The following CTNNA3 variants were observed in gnomAD, a reference collection of about 807,000 sequenced individuals.
The protein encoded by CTNNA3 is catenin alpha 3.
In CTNNA3, 76 loss-of-function variants were observed where a neutral mutation model predicts 95.7. The ratio of observed to expected loss-of-function variants is 0.79; its 90% CI spans 0.66 to 0.96. The LOEUF is 0.96. CTNNA3 is among the 40% of genes least tolerant of loss of function. The pLI, the probability that CTNNA3 is intolerant of heterozygous loss-of-function variation, is 0.00. For missense variants in CTNNA3, 1,191 were observed against 1,089.8 expected, an observed-to-expected ratio of 1.09 and a Z score of -1.31; for synonymous variants, 431 against 374.4, an observed-to-expected ratio of 1.15 and a Z score of -1.74.
At chr10:65,980,968 A>T (rs1014936740) in intron 16 of CTNNA3, among the ~76,000 whole-genome samples, 1 of 152,080 alleles carries the variant, frequency 6.6e-6, no homozygotes, top group African/African-American at 2.4e-5. Flanking sequence ...TTTGTATTCA[A>T]CAGGACTCTG....
intron 7 of CTNNA3, among the ~76,000 whole-genome samples, chr10:66,981,263 C>G (rs1383462842): frequency 6.6e-6 from 1 of 152,162 alleles, no homozygotes; most frequent in Non-Finnish European, 1.5e-5. Flanking sequence ...GTTAAGCATC[C>G]TAAAAATGAA....
At chr10:66,559,617 T>A (rs1842491597) in intron 10 of CTNNA3, among the ~76,000 whole-genome samples, 1 of 151,896 alleles carries the variant, frequency 6.6e-6, no homozygotes, top group Non-Finnish European at 1.5e-5. Context: ...TTTCTTTCAG[T>A]TTCTTATGCC....
At chr10:67,480,020 CA>C (rs1247339475) in intron 5 of CTNNA3, among the ~76,000 whole-genome samples, 3 of 151,726 alleles carry the variant, frequency 2.0e-5, no homozygotes, top group African/African-American at 4.8e-5. Flanking sequence ...AACAACCTAC[CA>C]AGATTGAATC....
intron 5 of CTNNA3, among the ~76,000 whole-genome samples, chr10:67,243,932 C>T (rs1222153938): frequency 1.3e-5 from 2 of 152,186 alleles, no homozygotes; most frequent in Non-Finnish European, 2.9e-5. Context: ...ATGATGTCTT[C>T]ATTCCTCCAT....
At chr10:67,134,986 T>C (rs1860222994) in intron 7 of CTNNA3, among the ~76,000 whole-genome samples, 1 of 152,020 alleles carries the variant, frequency 6.6e-6, no homozygotes, top group Non-Finnish European at 1.5e-5. Context: ...TTCCATATGG[T>C]GGCAGGATAG....
At chr10:66,955,883 G>A (rs1331079746) in intron 7 of CTNNA3, among the ~76,000 whole-genome samples, 4 of 152,068 alleles carry the variant, frequency 2.6e-5, no homozygotes, top group African/African-American at 4.8e-5. Flanking sequence ...GATCTGACTG[G>A]GGGGTATCTT....
At chr10:66,439,371 A>G (rs1589252106) in intron 11 of CTNNA3, among the ~76,000 whole-genome samples, 1 of 152,190 alleles carries the variant, frequency 6.6e-6, no homozygotes, top group Admixed American at 6.5e-5. Flanking sequence ...ACACATTAAA[A>G]AAGCTGATAG....
At chr10:67,516,888 C>T (rs920177198) in intron 5 of CTNNA3, among the ~76,000 whole-genome samples, 8 of 152,192 alleles carry the variant, frequency 5.3e-5, no homozygotes, top group African/African-American at 1.9e-4. Context: ...CTTTGCTTAG[C>T]AAAATGTCTT....
chr10:67,125,840 TC>T (rs1361460424), intron 7 of CTNNA3, among the ~76,000 whole-genome samples: 3 of 152,150 alleles, frequency 2.0e-5, no homozygotes, highest in African/African-American at 7.2e-5. Flanking sequence ...GTATGTCTTG[TC>T]ATATATCACA....
intron 12 of CTNNA3, among the ~76,000 whole-genome samples, chr10:66,373,386 C>G (rs2092768497): frequency 6.6e-6 from 1 of 152,060 alleles, no homozygotes; most frequent in African/African-American, 2.4e-5. Flanking sequence ...GAAGTTCTAA[C>G]AGCTACTTTC....
rs556632271 is a variant in CTNNA3 at position 66,544,542 on chromosome 10, TTC to T, written c.1375-23771_1375-23770del. Among the ~76,000 whole-genome samples, 188 of 152,168 alleles carry T rather than the reference TTC, an allele frequency of 1.2e-3. 1 individual carries two copies. The highest frequency in any genetic ancestry group is 4.3e-3 in the African/African-American group (177 of 41,538). On this transcript the variant is annotated intron_variant, in intron 10 of 17. Coordinates refer to ENST00000433211, the MANE Select transcript of CTNNA3 (RefSeq NM_013266.4). Reference sequence around the variant, plus strand: ...TGCTTTAACAGAAAATATAAGAAATTTCTGTGTTTTTAGTAATATATCCTAGG... The same window carrying T: ...TGCTTTAACAGAAAATATAAGAAATTTGTGTTTTTAGTAATATATCCTAGG...
At chr10:67,705,371 A>G (rs1447287704) in intron 1 of CTNNA3, among the ~76,000 whole-genome samples, 2 of 151,630 alleles carry the variant, frequency 1.3e-5, no homozygotes, top group Non-Finnish European at 2.9e-5. Flanking sequence ...AAGACTTGGA[A>G]CCAACCCAAA....
rs1012338270 is a variant in CTNNA3, at chr10:66,118,958, T to C, written c.1885-15709A>G. Among the ~76,000 whole-genome samples, 10 of 152,296 alleles carry C rather than the reference T, an allele frequency of 6.6e-5. No homozygotes were observed. The East Asian group carries it at 1.2e-3, about 18-fold the overall frequency. ...CAGGGTCTCCCTATGTTGCTCAGGC[T>C]GACCTCGAACTCCTGGGCTCAAGCA... is the stretch of plus-strand genomic sequence containing the variant. On this transcript the variant is annotated intron_variant, in intron 13 of 17. Coordinates refer to ENST00000433211, the MANE Select transcript of CTNNA3 (RefSeq NM_013266.4).
At chr10:66,416,444 C>T (rs55821101) in intron 11 of CTNNA3, among the ~76,000 whole-genome samples, 17,799 of 151,848 alleles carry the variant, frequency 0.12, 1,502 homozygotes, top group African/African-American at 0.24. Context: ...CATCCAGATA[C>T]AGAGTCCCAG....
chr10:66,845,729 A>AAAAAAAAAAAAC (rs1297933220), intron 7 of CTNNA3, among the ~76,000 whole-genome samples: 2 of 87,732 alleles, frequency 2.3e-5, no homozygotes, highest in Non-Finnish European at 5.1e-5. Context: ...AAAAAAAAAA[A>AAAAAAAAAAAAC]CTAAAAAGGT....
intron 5 of CTNNA3, among the ~76,000 whole-genome samples, chr10:67,342,635 T>C (rs963747081): frequency 1.3e-5 from 2 of 152,208 alleles, no homozygotes; most frequent in African/African-American, 4.8e-5. Context: ...GATAGGGGTC[T>C]AGTTTCATTC....
At chr10:66,811,122 AC>A (rs1841858108) in intron 7 of CTNNA3, among the ~76,000 whole-genome samples, 1 of 152,210 alleles carries the variant, frequency 6.6e-6, no homozygotes, top group South Asian at 2.1e-4. Flanking sequence ...CTGTGCAAGC[AC>A]TAGTCCATGT....
chr10:67,237,126 GTATATATATATATATATATATATATATA>G lies in CTNNA3; in HGVS notation c.580-17284_580-17257del, dbSNP rs59511861. 5.3e-4 allele frequency among the ~76,000 whole-genome samples: 21 copies of G among 39,876 alleles called. 1 individual carries two copies. The highest frequency in any genetic ancestry group is 1.8e-3 in the African/African-American group (17 of 9,694). 26.2% of individuals were successfully genotyped at this position (39,876 alleles called of 152,430 possible). A position where few individuals can be genotyped will look rare whatever the true frequency, so the allele number is the denominator to read the frequency against. ...AGTGGATAAAGAAACTATGGTGTAT[GTATATATATATATATATATATATATATA>G]TATATATATATATATATATACACAC... On this transcript the variant is annotated intron_variant, in intron 5 of 17. Transcript: ENST00000433211.
intron 5 of CTNNA3, among the ~76,000 whole-genome samples, chr10:67,332,035 G>C (rs1036060210): frequency 2.6e-5 from 4 of 152,142 alleles, no homozygotes; most frequent in African/African-American, 9.6e-5. Flanking sequence ...CTAAGATAAA[G>C]AGTTTAGAAA....
Sources: allele counts gnomAD v4.1 joint callset (sites outside exome capture counted in the v4.1 genomes callset), GRCh38; gene constraint gnomAD v4.1.1; transcripts MANE v1.5; gene names NCBI Gene and HGNC (gene_info 2026-07-23, HGNC 2026-07-21).